The following PKN2 variants were observed in gnomAD, a reference collection of about 807,000 sequenced individuals.
PKN2 encodes the protein serine/threonine-protein kinase N2.
Under a neutral mutation model 119.1 loss-of-function variants are expected in PKN2, and 38 were observed. That is an observed-to-expected ratio of 0.32 (90% CI 0.25 to 0.42). PKN2 has a LOEUF of 0.42. Among genes scored for constraint, PKN2 ranks in the 10% least tolerant of loss-of-function variants. PKN2 has a pLI of 1.00. For missense variants in PKN2, 850 were observed against 1,165.1 expected (o/e 0.73, Z 3.94); for synonymous variants, 390 against 384.9 (o/e 1.01, Z -0.15).
chr1:88,813,962 AG>A (rs1671881363), intron 16 of PKN2, among the ~76,000 whole-genome samples: 1 of 152,178 alleles, frequency 6.6e-6, no homozygotes, highest in African/African-American at 2.4e-5. Flanking sequence ...ACTTTAGATA[AG>A]CAATTTAGAT....
chr1:88,793,491 C>CT (rs961734759), intron 8 of PKN2, among the ~76,000 whole-genome samples: 3 of 152,016 alleles, frequency 2.0e-5, no homozygotes, highest in Non-Finnish European at 2.9e-5. Flanking sequence ...GAATTGCCTA[C>CT]TTTTTTTTCT....
chr1:88,776,315 T>C (rs1180789582), intron 6 of PKN2, among the ~76,000 whole-genome samples: 2 of 150,182 alleles, frequency 1.3e-5, no homozygotes, highest in African/African-American at 4.9e-5. Flanking sequence ...GCATTTCTTA[T>C]GGGCGGGTCT....
chr1:88,687,854 A>G (rs1666165476), intron 1 of PKN2, among the ~76,000 whole-genome samples: 1 of 152,242 alleles, frequency 6.6e-6, no homozygotes, highest in Non-Finnish European at 1.5e-5. Flanking sequence ...TAATTGTACT[A>G]GAAGATAATT....
At chr1:88,703,997 A>C (rs974332830) in intron 1 of PKN2, among the ~76,000 whole-genome samples, 10 of 152,204 alleles carry the variant, frequency 6.6e-5, no homozygotes, top group African/African-American at 2.4e-4. Flanking sequence ...AAGAGATATA[A>C]TTGACATACA....
At chr1:88,699,206 C>A (rs1298128084) in intron 1 of PKN2, among the ~76,000 whole-genome samples, 1 of 151,996 alleles carries the variant, frequency 6.6e-6, no homozygotes, top group Admixed American at 6.6e-5. Flanking sequence ...TTTAAACTTA[C>A]CTTCGTATTT....
rs1456478661 is a variant in PKN2, at chr1:88,820,219, TATATATATATATATAA to T, written c.2280-1718_2280-1703del. Among the ~76,000 whole-genome samples, 119 of 57,438 alleles carry T rather than the reference TATATATATATATATAA, an allele frequency of 2.1e-3. 3 individuals carry two copies. The highest frequency in any genetic ancestry group is 7.1e-3 in the African/African-American group (98 of 13,774). 37.7% of individuals were successfully genotyped at this position (57,438 alleles called of 152,430 possible). A position where few individuals can be genotyped will look rare whatever the true frequency, so the allele number is the denominator to read the frequency against. On this transcript the variant is annotated intron_variant, in intron 16 of 21. Coordinates refer to ENST00000370521, the MANE Select transcript of PKN2 (RefSeq NM_006256.4). ...ATATATATATATATATATATATATA[TATATATATATATATAA>T]ATAGAAAAAAATAAAAATGCGAGGC... is the stretch of plus-strand genomic sequence containing the variant.
At position 88,805,532 on chromosome 1, in the gene PKN2, A is replaced by G. The variant is rs1362160424; in HGVS notation, c.1537A>G (p.Asn513Asp). The G allele has an allele frequency of 6.2e-7, 1 of 1,613,508 alleles. No homozygotes were observed. The highest frequency in any genetic ancestry group is 1.7e-5 in the Admixed American group (1 of 59,962). The change falls in exon 11 of 22, where the codon AAT becomes GAT. Residue 513 changes from asparagine to aspartate, a missense_variant. Physicochemically the swap from Asn to Asp is conservative, Grantham distance 23 (BLOSUM62 1). Around this residue, in one of 9 missense-constraint regions of PKN2, gnomAD observed 216 missense variants for 252.8 expected, o/e 0.85. Coordinates refer to ENST00000370521, the MANE Select transcript of PKN2 (RefSeq NM_006256.4). ...TFLRAPQMNINIATWGRLVRR... is the reference protein window; with the variant it reads ...TFLRAPQMNIDIATWGRLVRR... ...TCTCAGAGCTCCTCAAATGAATATT[A>G]ATATTGCCACTTGGGGAAGGCTAGT...
intron 1 of PKN2, among the ~76,000 whole-genome samples, chr1:88,698,961 A>G (rs1666652509): frequency 6.6e-6 from 1 of 152,218 alleles, no homozygotes; most frequent in Admixed American, 6.5e-5. Context: ...TCTGCACAAA[A>G]ATGAGAGTTT....
intron 1 of PKN2, among the ~76,000 whole-genome samples, chr1:88,718,361 G>C (rs945438385): frequency 6.6e-6 from 1 of 152,140 alleles, no homozygotes; most frequent in African/African-American, 2.4e-5. Context: ...TTTCAGACAG[G>C]GACATTTAAG....
chr1:88,789,739 T>C (rs1191124728), intron 8 of PKN2, among the ~76,000 whole-genome samples: 2 of 151,874 alleles, frequency 1.3e-5, no homozygotes. Flanking sequence ...TTTTCATTTA[T>C]TGGTTTCTAA....
intron 3 of PKN2, among the ~76,000 whole-genome samples, chr1:88,770,151 G>C (rs1372943454): frequency 6.6e-6 from 1 of 152,144 alleles, no homozygotes; most frequent in Admixed American, 6.5e-5. Flanking sequence ...AACTAATGGA[G>C]TTGTTTTTCA....
intron 1 of PKN2, among the ~76,000 whole-genome samples, chr1:88,691,583 G>T (rs1384407436): frequency 1.3e-5 from 2 of 152,034 alleles, no homozygotes; most frequent in African/African-American, 2.4e-5. Context: ...AGTACTCATG[G>T]ACCACCACTC....
intron 18 of PKN2, among the ~76,000 whole-genome samples, chr1:88,826,321 T>C (rs950897867): frequency 1.2e-4 from 18 of 151,000 alleles, no homozygotes; most frequent in African/African-American, 4.2e-4. Flanking sequence ...TAACAACTTT[T>C]GAGTGCTTAC....
intron 1 of PKN2, among the ~76,000 whole-genome samples, chr1:88,728,016 C>CTTTTTTTTTT (rs34460979): frequency 1.5e-5 from 2 of 130,786 alleles, no homozygotes; most frequent in Non-Finnish European, 1.6e-5. Context: ...TTTCTTGGGG[C>CTTTTTTTTTT]TTTTTTTTTT....
At position 88,684,485 on chromosome 1, in the gene PKN2, C is replaced by G; in HGVS notation, c.-96C>G. On this transcript the variant is annotated 5_prime_UTR_variant, in exon 1 of 22. Coordinates refer to ENST00000370521, the MANE Select transcript of PKN2 (RefSeq NM_006256.4). ...CCTAGTTGTTTTTTTTTTTTTCTTT[C>G]TCTCCCCTCTCCTCACCCCCACCCC... The G allele has an allele frequency of 3.9e-5, 27 of 690,688 alleles. No individual in the cohort carries two copies. The highest frequency in any genetic ancestry group is 3.7e-5 in the East Asian group (1 of 26,720). The allele number at this position is 690,688 out of a possible 1,614,324, so 42.8% of individuals were successfully genotyped here.
chr1:88,719,524 C>T (rs1667584973), intron 1 of PKN2, among the ~76,000 whole-genome samples: 2 of 152,100 alleles, frequency 1.3e-5, no homozygotes, highest in Non-Finnish European at 2.9e-5. Context: ...TTAAAAACAA[C>T]AAAGACATCT....
intron 1 of PKN2, among the ~76,000 whole-genome samples, chr1:88,722,912 CAAAT>C (rs1363378000): frequency 2.6e-5 from 4 of 151,892 alleles, no homozygotes; most frequent in East Asian, 1.9e-4. Flanking sequence ...TCAGGGAAGA[CAAAT>C]AAATAAAGGT....
At chr1:88,732,909 A>G (rs1267212773) in intron 1 of PKN2, among the ~76,000 whole-genome samples, 1 of 152,186 alleles carries the variant, frequency 6.6e-6, no homozygotes, top group East Asian at 1.9e-4. Flanking sequence ...CAGAAAGACA[A>G]ATACCACATG....
At chr1:88,685,569 A>G (rs1666059097) in intron 1 of PKN2, among the ~76,000 whole-genome samples, 1 of 152,206 alleles carries the variant, frequency 6.6e-6, no homozygotes, top group African/African-American at 2.4e-5. Flanking sequence ...TCTATGGTGT[A>G]CATGGGGACT....
Sources: gnomAD v4.1 joint callset for allele counts (sites outside exome capture counted in the v4.1 genomes callset) on GRCh38, gnomAD v4.1.1 for gene constraint, gnomAD v4.1.1 regional missense constraint, MANE v1.5 for transcripts, NCBI Gene and HGNC (gene_info 2026-07-23, HGNC 2026-07-21) for gene names.